Variants in XIRP2 observed in about 807,000 individuals in gnomAD.
XIRP2 encodes the protein xin actin-binding repeat-containing protein 2.
Under a neutral mutation model 277.0 loss-of-function variants are expected in XIRP2, and 236 were observed. The observed-to-expected ratio is 0.85, with a 90% CI of 0.77 to 0.95. The LOEUF (loss-of-function observed/expected upper bound fraction) is 0.95, where lower values mean the gene tolerates loss of function less well. XIRP2 is among the 40% of genes least tolerant of loss of function. The pLI is 0.00. For missense variants in XIRP2, 4,640 were observed against 4,157.5 expected (o/e 1.12, Z -3.19); for synonymous variants, 1,490 against 1,416.5 (o/e 1.05, Z -1.17).
intron 2 of XIRP2, among the ~76,000 whole-genome samples, chr2:166,947,457 T>C (rs1685907630): frequency 6.6e-6 from 1 of 152,194 alleles, no homozygotes; most frequent in Non-Finnish European, 1.5e-5. Context: ...GTATTCTTCA[T>C]AAGCCTGAAA....
intron 2 of XIRP2, among the ~76,000 whole-genome samples, chr2:167,059,451 AAAAT>A (rs978453661): frequency 1.3e-5 from 1 of 79,064 alleles, no homozygotes; most frequent in Admixed American, 1.1e-4. Flanking sequence ...CATGTGGAAA[AAAAT>A]AAAATAAAAT....
chr2:167,214,973 G>A (rs1694200603), intron 4 of XIRP2, among the ~76,000 whole-genome samples: 1 of 152,186 alleles, frequency 6.6e-6, no homozygotes, highest in Admixed American at 6.5e-5. Flanking sequence ...CCGGTCATAA[G>A]CATAATACTA....
chr2:166,936,440 G>T (rs994632516), intron 2 of XIRP2, among the ~76,000 whole-genome samples: 18 of 152,212 alleles, frequency 1.2e-4, no homozygotes, highest in African/African-American at 3.6e-4. Context: ...GTCAATTTTG[G>T]CTTTTGTTGC....
intron 2 of XIRP2, among the ~76,000 whole-genome samples, chr2:167,049,299 T>G (rs1418232813): frequency 6.6e-6 from 1 of 151,948 alleles, no homozygotes; most frequent in African/African-American, 2.4e-5. Context: ...AAATTTGCTT[T>G]TATTTTAAAA....
chr2:167,163,232 G>T (rs1237840594), intron 3 of XIRP2, among the ~76,000 whole-genome samples: 2 of 152,132 alleles, frequency 1.3e-5, no homozygotes, highest in South Asian at 4.1e-4. Context: ...AAATTTTTAA[G>T]AAACCATCAA....
intron 2 of XIRP2, among the ~76,000 whole-genome samples, chr2:166,925,685 T>C (rs1055678356): frequency 2.0e-5 from 3 of 150,176 alleles, no homozygotes; most frequent in Admixed American, 6.7e-5. Context: ...GGAAAGATTA[T>C]ATCACAATTT....
At chr2:167,147,056 A>G (rs78955651) in intron 3 of XIRP2, among the ~76,000 whole-genome samples, 1 of 152,150 alleles carries the variant, frequency 6.6e-6, no homozygotes, top group Non-Finnish European at 1.5e-5. Flanking sequence ...CACATGTTAA[A>G]ACAAACCAAA....
intron 5 of XIRP2, among the ~76,000 whole-genome samples, chr2:167,228,347 C>T (rs7602119): frequency 0.29 from 43,793 of 152,090 alleles, 8,473 homozygotes; most frequent in African/African-American, 0.55. Flanking sequence ...ATATGAGTTA[C>T]ACTGCTAATG....
chr2:166,947,001 T>C lies in XIRP2; in HGVS notation c.408+43111T>C, dbSNP rs1311745591. 2.0e-5 allele frequency among the ~76,000 whole-genome samples: 3 copies of C among 152,174 alleles called. No individual in the cohort carries two copies. The East Asian group carries it at 5.8e-4, about 29-fold the overall frequency. On this transcript the variant is annotated intron_variant, in intron 2 of 10. Transcript: ENST00000409195. Reference sequence around the variant, plus strand: ...AATGAAAGGCATAGCCCCCACATTGTATCTGATAACACTGAAAAGTATGAT... The same window carrying C: ...AATGAAAGGCATAGCCCCCACATTGCATCTGATAACACTGAAAAGTATGAT...
At chr2:166,909,606 A>G (rs890966599) in intron 2 of XIRP2, among the ~76,000 whole-genome samples, 8 of 152,132 alleles carry the variant, frequency 5.3e-5, no homozygotes, top group African/African-American at 1.9e-4. Context: ...AATACCCTTA[A>G]TTTCTTTCTC....
chr2:167,053,770 C>G (rs1363537596), intron 2 of XIRP2, among the ~76,000 whole-genome samples: 3 of 152,074 alleles, frequency 2.0e-5, no homozygotes. Context: ...CCAATTATTG[C>G]CCTTTGACAT....
At chr2:167,032,688 G>A (rs1327737470) in intron 2 of XIRP2, among the ~76,000 whole-genome samples, 1 of 151,942 alleles carries the variant, frequency 6.6e-6, no homozygotes, top group African/African-American at 2.4e-5. Flanking sequence ...AAAAATATAT[G>A]AAAAAAAGCT....
Position 167,259,257 on chromosome 2 carries a change from A to G in XIRP2, c.*1440A>G, listed in dbSNP as rs903048722. 6.2e-7 allele frequency: 1 copy of G among 1,613,456 alleles called. No homozygotes were observed. The highest frequency in any genetic ancestry group is 8.5e-7 in the Non-Finnish European group (1 of 1,179,632). On this transcript the variant is annotated 3_prime_UTR_variant, in exon 11 of 11. Coordinates refer to ENST00000409195, the MANE Select transcript of XIRP2 (RefSeq NM_152381.6). Reference sequence around the variant, plus strand: ...AACACAGGTTTTGATGCTCTGAGCCATGAATGTACAGCTAAGCCTTTGTTT... The same window carrying G: ...AACACAGGTTTTGATGCTCTGAGCCGTGAATGTACAGCTAAGCCTTTGTTT...
chr2:167,095,047 T>G (rs1456528375), intron 2 of XIRP2, among the ~76,000 whole-genome samples: 15 of 152,118 alleles, frequency 9.9e-5, no homozygotes, highest in Admixed American at 9.2e-4. Context: ...CTTGTAAGTT[T>G]ATTCCTAGGT....
At chr2:167,117,628 A>G (rs551111177) in intron 2 of XIRP2, among the ~76,000 whole-genome samples, 248 of 152,312 alleles carry the variant, frequency 1.6e-3, no homozygotes, top group Non-Finnish European at 2.7e-3. Context: ...GGACTTCTGC[A>G]GTCTAATCTA....
chr2:166,972,314 G>A (rs1007704037), intron 2 of XIRP2, among the ~76,000 whole-genome samples: 1 of 151,972 alleles, frequency 6.6e-6, no homozygotes, highest in East Asian at 1.9e-4. Context: ...AGCCAGAACT[G>A]ACAAACACAA....
intron 2 of XIRP2, among the ~76,000 whole-genome samples, chr2:166,945,725 G>T (rs2008068): frequency 2.2e-4 from 30 of 137,348 alleles, no homozygotes; most frequent in Non-Finnish European, 3.9e-4. Flanking sequence ...AGGCTGGAGT[G>T]CAATAGTGTG....
chr2:167,191,624 G>A (rs940195806), intron 3 of XIRP2, among the ~76,000 whole-genome samples: 1 of 152,104 alleles, frequency 6.6e-6, no homozygotes, highest in Admixed American at 6.5e-5. Context: ...GAAAGATGAT[G>A]ACTGGCTTAT....
intron 2 of XIRP2, among the ~76,000 whole-genome samples, chr2:166,965,963 A>G (rs1282069723): frequency 6.6e-6 from 1 of 151,908 alleles, no homozygotes; most frequent in Non-Finnish European, 1.5e-5. Context: ...TACATAAAAT[A>G]GATAAAATAA....
Sources: gnomAD v4.1 joint callset for allele counts (sites outside exome capture counted in the v4.1 genomes callset) on GRCh38, gnomAD v4.1.1 for gene constraint, MANE v1.5 for transcripts, NCBI Gene and HGNC (gene_info 2026-07-23, HGNC 2026-07-21) for gene names.